The following NRCAM variants were observed in gnomAD, a reference collection of about 807,000 sequenced individuals.
NRCAM encodes neuronal cell adhesion molecule.
In NRCAM, 83 loss-of-function variants were observed where a neutral mutation model predicts 156.5. The ratio of observed to expected loss-of-function variants is 0.53; its 90% CI spans 0.44 to 0.64. The LOEUF is 0.64. NRCAM is among the 30% of genes least tolerant of loss of function. The pLI is 0.00. For missense variants in NRCAM, 1,417 were observed against 1,597.3 expected (o/e 0.89, Z 1.92); for synonymous variants, 538 against 563.9 (o/e 0.95, Z 0.65).
At chr7:108,389,765 A>G (rs2099753674) in intron 2 of NRCAM, among the ~76,000 whole-genome samples, 1 of 152,202 alleles carries the variant, frequency 6.6e-6, no homozygotes, top group Non-Finnish European at 1.5e-5. Flanking sequence ...TTTGGCATGA[A>G]GGGCTGTTGA....
intron 1 of NRCAM, among the ~76,000 whole-genome samples, chr7:108,446,732 CT>C (rs67867919): frequency 4.9e-4 from 70 of 144,168 alleles, no homozygotes; most frequent in Admixed American, 1.0e-3. Flanking sequence ...CAACCTATGT[CT>C]TTTTTTTTTT....
chr7:108,301,882 G>T (rs965294746), intron 3 of NRCAM, among the ~76,000 whole-genome samples: 1 of 152,002 alleles, frequency 6.6e-6, no homozygotes, highest in Admixed American at 6.6e-5. Flanking sequence ...ATCACTTTAG[G>T]ACACTATTTC....
At chr7:108,277,006 C>T (rs1253508798) in intron 3 of NRCAM, among the ~76,000 whole-genome samples, 1 of 152,122 alleles carries the variant, frequency 6.6e-6, no homozygotes, top group Non-Finnish European at 1.5e-5. Context: ...CTTAGTTTGG[C>T]TGGATATGAA....
At chr7:108,395,133 AAG>A (rs1377197273) in intron 2 of NRCAM, among the ~76,000 whole-genome samples, 1 of 152,210 alleles carries the variant, frequency 6.6e-6, no homozygotes, top group Non-Finnish European at 1.5e-5. Context: ...AGAAAATGTG[AAG>A]AGTCATTAAT....
At chr7:108,399,043 C>T (rs888147827) in intron 2 of NRCAM, among the ~76,000 whole-genome samples, 4 of 152,060 alleles carry the variant, frequency 2.6e-5, no homozygotes, top group Non-Finnish European at 4.4e-5. Context: ...AAAGTTATAT[C>T]GTTTGATCCT....
chr7:108,346,803 A>C (rs1282393120), intron 2 of NRCAM, among the ~76,000 whole-genome samples: 2 of 152,186 alleles, frequency 1.3e-5, no homozygotes, highest in Admixed American at 6.5e-5. Flanking sequence ...GCTGGTCTGT[A>C]TTGAAACTAC....
chr7:108,291,668 C>T (rs1175017971), intron 3 of NRCAM, among the ~76,000 whole-genome samples: 1 of 151,994 alleles, frequency 6.6e-6, no homozygotes, highest in Non-Finnish European at 1.5e-5. Flanking sequence ...CACAAATTCT[C>T]TAAGTTACAG....
chr7:108,299,482 A>G (rs2098546284), intron 3 of NRCAM, among the ~76,000 whole-genome samples: 2 of 152,220 alleles, frequency 1.3e-5, no homozygotes, highest in South Asian at 4.1e-4. Flanking sequence ...CATATAAAAG[A>G]TAAGAATACC....
chr7:108,439,782 G>A (rs1331543060), intron 1 of NRCAM, among the ~76,000 whole-genome samples: 1 of 137,602 alleles, frequency 7.3e-6, no homozygotes, highest in Non-Finnish European at 1.5e-5. Flanking sequence ...GCAGTAAGCC[G>A]AGATTGCGCC....
intron 2 of NRCAM, among the ~76,000 whole-genome samples, chr7:108,351,957 G>A (rs2099415764): frequency 6.6e-6 from 1 of 152,200 alleles, no homozygotes; most frequent in Non-Finnish European, 1.5e-5. Context: ...AGACATCTGT[G>A]CTGTTGCCCT....
chr7:108,301,628 G>C (rs2098616253), intron 3 of NRCAM, among the ~76,000 whole-genome samples: 1 of 151,992 alleles, frequency 6.6e-6, no homozygotes, highest in African/African-American at 2.4e-5. Context: ...CTTATCCTAT[G>C]GACATGAGAA....
intron 2 of NRCAM, among the ~76,000 whole-genome samples, chr7:108,317,550 T>C (rs2098942487): frequency 6.6e-6 from 1 of 152,160 alleles, no homozygotes; most frequent in South Asian, 2.1e-4. Context: ...TCAAGTTCAC[T>C]GAACATAAAA....
At chr7:108,199,668 C>T (rs1417935734) in intron 13 of NRCAM, among the ~76,000 whole-genome samples, 6 of 152,124 alleles carry the variant, frequency 3.9e-5, no homozygotes, top group African/African-American at 9.7e-5. Flanking sequence ...CAACCAAAGC[C>T]GGAAAAGGCA....
In NRCAM at chr7:108,435,201, A is replaced by AT. The variant is rs989278575; in HGVS notation, c.-332+21041dup. ...TTTCTCAACTAATAGATAATCTCAA[A>AT]TTTTTTTAAAGAAAACAATTGAATG... is the stretch of plus-strand genomic sequence containing the variant. On this transcript the variant is annotated intron_variant, in intron 1 of 32. Transcript: ENST00000379028. Among the ~76,000 whole-genome samples the AT allele has an allele frequency of 4.6e-5, 7 of 152,282 alleles. No homozygotes were observed. The East Asian group carries it at 1.2e-3, about 25-fold the overall frequency.
intron 13 of NRCAM, among the ~76,000 whole-genome samples, chr7:108,203,018 G>C (rs761544688): frequency 1.3e-5 from 2 of 152,150 alleles, no homozygotes; most frequent in Non-Finnish European, 2.9e-5. Context: ...AATGGCACAG[G>C]CTCTCCAGTG....
chr7:108,367,000 G>T (rs2099595728), intron 2 of NRCAM, among the ~76,000 whole-genome samples: 2 of 152,196 alleles, frequency 1.3e-5, no homozygotes, highest in African/African-American at 4.8e-5. Context: ...AGAAACTACT[G>T]AAATGATTTT....
intron 3 of NRCAM, among the ~76,000 whole-genome samples, chr7:108,247,451 C>T (rs193252346): frequency 6.6e-6 from 1 of 151,992 alleles, no homozygotes; most frequent in East Asian, 1.9e-4. Flanking sequence ...CTAGATACTT[C>T]TCTATATATA....
chr7:108,412,762 T>C (rs1456431640), intron 1 of NRCAM, among the ~76,000 whole-genome samples: 2 of 152,180 alleles, frequency 1.3e-5, no homozygotes, highest in East Asian at 1.9e-4. Flanking sequence ...GAAATCAGCT[T>C]TTTAAAGATT....
At chr7:108,291,770 A>T (rs991349100) in intron 3 of NRCAM, among the ~76,000 whole-genome samples, 1 of 152,220 alleles carries the variant, frequency 6.6e-6, no homozygotes, top group African/African-American at 2.4e-5. Context: ...CCATAAGAGG[A>T]GTTGCAACCT....
Sources: allele counts gnomAD v4.1 joint callset (sites outside exome capture counted in the v4.1 genomes callset), GRCh38; gene constraint gnomAD v4.1.1; transcripts MANE v1.5; gene names NCBI Gene and HGNC (gene_info 2026-07-23, HGNC 2026-07-21).